THSD7B: variants seen among roughly 807,000 people sequenced by gnomAD.
The protein encoded by THSD7B is thrombospondin type 1 domain containing 7B.
THSD7B carries 138 observed loss-of-function variants against 213.6 expected under a neutral mutation model. The observed-to-expected ratio is 0.65, with a 90% CI of 0.56 to 0.74. THSD7B has a LOEUF of 0.74. THSD7B is among the 30% of genes least tolerant of loss of function. THSD7B has a pLI of 0.00. For synonymous variants in THSD7B, 742 were observed against 687.0 expected (o/e 1.08, Z -1.25); for missense variants, 1,931 against 1,991.5 (o/e 0.97, Z 0.58).
intron 2 of THSD7B, among the ~76,000 whole-genome samples, chr2:136,890,778 T>A (rs929142907): frequency 1.3e-5 from 2 of 151,338 alleles, no homozygotes; most frequent in Non-Finnish European, 2.9e-5. Context: ...TGACCTCAGG[T>A]GATCCACCTG....
chr2:137,024,198 G>A (rs1313166872), intron 2 of THSD7B, among the ~76,000 whole-genome samples: 4 of 152,086 alleles, frequency 2.6e-5, no homozygotes, highest in Non-Finnish European at 5.9e-5. Flanking sequence ...TCCTGGACGC[G>A]ATCTGTCACC....
chr2:137,387,830 T>C (rs895327587), intron 12 of THSD7B, among the ~76,000 whole-genome samples: 1 of 152,214 alleles, frequency 6.6e-6, no homozygotes, highest in African/African-American at 2.4e-5. Context: ...TGGAAGTGTC[T>C]ACTCTTCCCT....
intron 2 of THSD7B, among the ~76,000 whole-genome samples, chr2:136,890,656 C>A (rs1361752478): frequency 1.3e-5 from 2 of 149,572 alleles, no homozygotes; most frequent in Non-Finnish European, 3.0e-5. Context: ...TCTTCCGCCT[C>A]AGCCTCCTGA....
chr2:137,285,920 A>T (rs894607269), intron 12 of THSD7B, among the ~76,000 whole-genome samples: 1 of 151,920 alleles, frequency 6.6e-6, no homozygotes, highest in Non-Finnish European at 1.5e-5. Flanking sequence ...CCTGACCAAC[A>T]TGGTGAAACC....
At chr2:136,893,106 A>T (rs1683893678) in intron 2 of THSD7B, among the ~76,000 whole-genome samples, 1 of 152,126 alleles carries the variant, frequency 6.6e-6, no homozygotes, top group Non-Finnish European at 1.5e-5. Context: ...ACGTTTTACC[A>T]CTTCTACCAC....
chr2:136,864,648 G>A (rs1321198794), intron 1 of THSD7B, among the ~76,000 whole-genome samples: 1 of 152,012 alleles, frequency 6.6e-6, no homozygotes, highest in Non-Finnish European at 1.5e-5. Context: ...CACCTCCCAG[G>A]TTCACATCAT....
At chr2:137,076,701 C>T (rs879657152) in intron 3 of THSD7B, among the ~76,000 whole-genome samples, 16 of 152,170 alleles carry the variant, frequency 1.1e-4, no homozygotes, top group African/African-American at 2.9e-4. Flanking sequence ...AGCTGTAGAC[C>T]GGAGCTGTTC....
intron 10 of THSD7B, among the ~76,000 whole-genome samples, chr2:137,257,729 G>A (rs1257080062): frequency 1.3e-5 from 2 of 152,100 alleles, no homozygotes; most frequent in Non-Finnish European, 2.9e-5. Context: ...TTAATTTCTG[G>A]GAAGAGTTGC....
At chr2:137,592,225 A>T (rs1306479115) in intron 17 of THSD7B, among the ~76,000 whole-genome samples, 1 of 151,890 alleles carries the variant, frequency 6.6e-6, no homozygotes, top group Non-Finnish European at 1.5e-5. Flanking sequence ...AAAAAATTCA[A>T]TAGTAAACCT....
chr2:137,090,154 C>T (rs187276659), intron 3 of THSD7B, among the ~76,000 whole-genome samples: 1 of 151,758 alleles, frequency 6.6e-6, no homozygotes, highest in East Asian at 1.9e-4. Flanking sequence ...TCTGTATATA[C>T]AGGTCTATAC....
intron 3 of THSD7B, among the ~76,000 whole-genome samples, chr2:137,065,844 C>T (rs1488075290): frequency 6.6e-6 from 1 of 152,114 alleles, no homozygotes; most frequent in Admixed American, 6.6e-5. Flanking sequence ...ATTGCTCTCT[C>T]CCATCCCTTG....
chr2:137,580,024 A>T (rs1489754762), intron 17 of THSD7B, among the ~76,000 whole-genome samples: 2 of 152,036 alleles, frequency 1.3e-5, no homozygotes, highest in Non-Finnish European at 2.9e-5. Flanking sequence ...TATGATACTA[A>T]GTTTCTTTCT....
intron 12 of THSD7B, among the ~76,000 whole-genome samples, chr2:137,293,821 A>T (rs1452987710): frequency 6.6e-6 from 1 of 152,130 alleles, no homozygotes; most frequent in African/African-American, 2.4e-5. Flanking sequence ...TTAATCTCCA[A>T]ATCCATGTCA....
At chr2:137,035,686 T>C (rs1379206115) in intron 2 of THSD7B, among the ~76,000 whole-genome samples, 2 of 152,076 alleles carry the variant, frequency 1.3e-5, no homozygotes, top group Non-Finnish European at 2.9e-5. Context: ...GGTAGACTGG[T>C]GAAAATCCCC....
At chr2:137,637,082 C>T (rs568677576) in intron 20 of THSD7B, among the ~76,000 whole-genome samples, 33 of 152,302 alleles carry the variant, frequency 2.2e-4, no homozygotes, top group Non-Finnish European at 3.1e-4. Flanking sequence ...TTTCTCTCTC[C>T]CATCAAAACT....
At chr2:137,381,569 A>G (rs952066461) in intron 12 of THSD7B, among the ~76,000 whole-genome samples, 4 of 152,196 alleles carry the variant, frequency 2.6e-5, no homozygotes, top group Admixed American at 6.5e-5. Context: ...CAGCAGTACC[A>G]AGGGGTCCAT....
intron 2 of THSD7B, among the ~76,000 whole-genome samples, chr2:137,023,345 T>C (rs988658711): frequency 6.6e-6 from 1 of 151,428 alleles, no homozygotes; most frequent in Non-Finnish European, 1.5e-5. Context: ...CCGGGGGAGG[T>C]GTCTGGTAGC....
chr2:136,772,947 T>C (rs1223647032), intron 1 of THSD7B, among the ~76,000 whole-genome samples: 1 of 152,202 alleles, frequency 6.6e-6, no homozygotes, highest in Non-Finnish European at 1.5e-5. Flanking sequence ...AAATATACTG[T>C]TGGAATCTGA....
At chr2:137,438,499 T>A (rs1230032391) in intron 14 of THSD7B, among the ~76,000 whole-genome samples, 3 of 152,112 alleles carry the variant, frequency 2.0e-5, no homozygotes, top group Admixed American at 6.6e-5. Context: ...CTCTGCTTGT[T>A]GCGGTGTGAA....
Sources: allele counts gnomAD v4.1 joint callset (sites outside exome capture counted in the v4.1 genomes callset), GRCh38; gene constraint gnomAD v4.1.1; transcripts MANE v1.5; gene names NCBI Gene and HGNC (gene_info 2026-07-23, HGNC 2026-07-21).